The following FCGR1A variants were observed in gnomAD, a reference collection of about 807,000 sequenced individuals.
FCGR1A encodes high affinity immunoglobulin gamma Fc receptor I.
FCGR1A carries 13 observed loss-of-function variants against 35.0 expected under a neutral mutation model. The ratio of observed to expected loss-of-function variants is 0.37; its 90% CI spans 0.24 to 0.59. The LOEUF (loss-of-function observed/expected upper bound fraction) is 0.59. Among genes scored for constraint, FCGR1A ranks in the 20% least tolerant of loss-of-function variants. The pLI, the probability that FCGR1A is intolerant of heterozygous loss-of-function variation, is 0.71. For missense variants in FCGR1A, 227 were observed against 430.0 expected, an observed-to-expected ratio of 0.53 and a Z score of 4.17; for synonymous variants, 91 against 164.7, an observed-to-expected ratio of 0.55 and a Z score of 3.43.
intron 3 of FCGR1A, chr1:149,786,683 T>G (rs1472657090): frequency 3.9e-5 from 6 of 152,222 alleles, no homozygotes; most frequent in Non-Finnish European, 8.8e-5. Context: ...TAGTAATGTC[T>G]GCTAAAAGCT....
At position 149,784,075 on chromosome 1, in the gene FCGR1A, A is replaced by T. The variant is rs1453523229; in HGVS notation, c.125A>T (p.His42Leu). 4 of 1,611,294 alleles carry T rather than the reference A, an allele frequency of 2.5e-6. No homozygotes were observed. The highest frequency in any genetic ancestry group is 1.3e-5 in the African/African-American group (1 of 74,512). Residue 42 changes from histidine to leucine, a missense_variant, in exon 3 of 6, where the codon CAC (histidine) becomes CTC (leucine). Transcript: ENST00000369168. ...SVFQEETVTL[H>L]CEVLHLPGSS... ...TTCCAAGAGGAAACCGTAACCTTGC[A>T]CTGTGAGGTGCTCCATCTGCCTGGG... is the stretch of plus-strand genomic sequence containing the variant.
chr1:149,800,138 A>C, the FCGR1A span, among the ~76,000 whole-genome samples: 1 of 152,056 alleles, frequency 6.6e-6, no homozygotes, highest in East Asian at 1.9e-4. Context: ...AACTCAGAGA[A>C]ACACTTGGGT....
chr1:149,798,760 T>G, the FCGR1A span, among the ~76,000 whole-genome samples: 4 of 152,132 alleles, frequency 2.6e-5, no homozygotes, highest in Admixed American at 1.3e-4. Context: ...TACAGGTGCA[T>G]GTAACCATGC....
the FCGR1A span, among the ~76,000 whole-genome samples, chr1:149,798,755 G>C: frequency 6.6e-6 from 1 of 152,106 alleles, no homozygotes; most frequent in African/African-American, 2.4e-5. Flanking sequence ...GGGACTACAG[G>C]TGCATGTAAC....
At chr1:149,786,310 G>T (rs1194367856) in intron 3 of FCGR1A, 1 of 152,116 alleles carries the variant, frequency 6.6e-6, no homozygotes, top group African/African-American at 2.4e-5. Flanking sequence ...ACTTACAGGA[G>T]TTATTTATAT....
chr1:149,784,359 C>T (rs2091483358), intron 3 of FCGR1A, 102 bp downstream of exon 3: 2 of 1,607,638 alleles, frequency 1.2e-6, no homozygotes, highest in Non-Finnish European at 1.7e-6. Context: ...TATCTGGGTG[C>T]AGGTCTCAGC....
chr1:149,792,407 T>C, downstream of FCGR1A: 1 of 607,338 alleles, frequency 1.6e-6, no homozygotes, highest in Non-Finnish European at 2.2e-6. Context: ...GGGCTGTAGT[T>C]TGGAGACAAA....
chr1:149,797,452 A>C, the FCGR1A span, among the ~76,000 whole-genome samples: 10 of 152,242 alleles, frequency 6.6e-5, no homozygotes, highest in African/African-American at 2.2e-4. Flanking sequence ...CGGAAGGATT[A>C]ACTCTTAATT....
In FCGR1A at chr1:149,788,541, T is replaced by G. The variant is rs782232847; in HGVS notation, c.483T>G (p.Ser161Arg). 1 of 1,613,668 alleles carries G rather than the reference T, an allele frequency of 6.2e-7. No homozygotes were observed. The highest frequency in any genetic ancestry group is 1.3e-5 in the African/African-American group (1 of 74,832). Residue 161 changes from serine to arginine, a missense_variant, in exon 4 of 6, where the codon AGT becomes AGG. This residue lies in a region of FCGR1A where 185 missense variants were observed against 306.6 expected (regional missense o/e 0.60). Coordinates refer to ENST00000369168, the MANE Select transcript of FCGR1A (RefSeq NM_000566.4). Reference protein sequence around the residue: ...SNLTILKTNISHNGTYHCSGM... With the variant: ...SNLTILKTNIRHNGTYHCSGM... ...TCACCATTCTGAAAACCAACATAAG[T>G]CACAATGGCACCTACCATTGCTCAG...
At chr1:149,791,074 C>G (rs1327871562) in intron 5 of FCGR1A, among the ~76,000 whole-genome samples, 163 bp from the exon 6 acceptor site, 2 of 150,990 alleles carry the variant, frequency 1.3e-5, no homozygotes, top group Non-Finnish European at 3.0e-5. Context: ...ACCATATAGC[C>G]AGTTAGAGCT....
downstream of FCGR1A, among the ~76,000 whole-genome samples, chr1:149,795,255 TAAATAAATA>T (rs1308533962): frequency 2.1e-4 from 17 of 81,736 alleles, no homozygotes; most frequent in African/African-American, 1.0e-3. Flanking sequence ...GTCTCAAAAA[TAAATAAATA>T]AATAAATAAA....
downstream of FCGR1A, chr1:149,792,387 T>C: frequency 2.6e-6 from 1 of 383,424 alleles, no homozygotes; most frequent in Non-Finnish European, 4.1e-6. Context: ...GATACGCTGC[T>C]CTCATACTTG....
At chr1:149,789,948 G>C (rs2664830) in intron 4 of FCGR1A, 106 bp from the exon 5 acceptor site, 4 of 1,606,202 alleles carry the variant, frequency 2.5e-6, no homozygotes, top group Non-Finnish European at 3.4e-6. Context: ...CCTTATGGAT[G>C]CATTTTCTAG....
chr1:149,796,227 T>C (rs1267533923), downstream of FCGR1A, among the ~76,000 whole-genome samples: 5 of 152,164 alleles, frequency 3.3e-5, no homozygotes, highest in Non-Finnish European at 7.3e-5. Context: ...TTAGAGAAGA[T>C]TAAAAAAAGA....
chr1:149,795,251 AAAATAAAT>A (rs59487657), downstream of FCGR1A, among the ~76,000 whole-genome samples: 2,082 of 106,830 alleles, frequency 0.019, 6 homozygotes, highest in African/African-American at 0.04. Context: ...CCCTGTCTCA[AAAATAAAT>A]AAATAAATAA....
chr1:149,796,013 A>T (rs2091796556), downstream of FCGR1A, among the ~76,000 whole-genome samples: 1 of 151,712 alleles, frequency 6.6e-6, no homozygotes, highest in African/African-American at 2.4e-5. Flanking sequence ...CTGGTCTTGC[A>T]TAAGGTCTTT....
rs2101416865 is a variant in FCGR1A, at chr1:149,791,626, T to G, written c.*109T>G. 6.6e-7 allele frequency: 1 copy of G among 1,524,702 alleles called. No individual in the cohort carries two copies. 94.4% of individuals were successfully genotyped at this position (1,524,702 alleles called of 1,614,324 possible). ...TTCAACAACACCAGAACTGTGTGTC[T>G]CATGGTATGTAACTCTTAAAGCAAA... On this transcript the variant is annotated 3_prime_UTR_variant, in exon 6 of 6. Coordinates refer to ENST00000369168, the MANE Select transcript of FCGR1A (RefSeq NM_000566.4).
At chr1:149,792,776 G>C (rs1890792), downstream of FCGR1A, 18,936 of 1,229,466 alleles carry the variant, frequency 0.015, 2,008 homozygotes, top group African/African-American at 0.098. Flanking sequence ...ATTCCTGGAG[G>C]CTGCAGGAGC....
intron 3 of FCGR1A, chr1:149,785,611 T>C (rs1444169634): frequency 6.6e-6 from 1 of 151,880 alleles, no homozygotes; most frequent in Non-Finnish European, 1.5e-5. Flanking sequence ...TCTTTACCTC[T>C]ACACAGACTC....
Sources: gnomAD v4.1 joint callset for allele counts (sites outside exome capture counted in the v4.1 genomes callset) on GRCh38, gnomAD v4.1.1 for gene constraint, gnomAD v4.1.1 regional missense constraint, MANE v1.5 for transcripts, NCBI Gene and HGNC (gene_info 2026-07-23, HGNC 2026-07-21) for gene names.